The following NOL4 variants were observed in gnomAD, a reference collection of about 807,000 sequenced individuals.
NOL4 encodes the protein nucleolar protein 4.
A neutral mutation model predicts 75.9 loss-of-function variants in NOL4; 17 were observed. The ratio of observed to expected loss-of-function variants is 0.22; its 90% CI spans 0.15 to 0.34. The LOEUF (loss-of-function observed/expected upper bound fraction) is 0.34. NOL4 is among the 10% of genes least tolerant of loss of function. The pLI is 1.00. For synonymous variants in NOL4, 292 were observed against 289.9 expected, an observed-to-expected ratio of 1.01 and a Z score of -0.07; for missense variants, 614 against 793.5, an observed-to-expected ratio of 0.77 and a Z score of 2.72.
intron 5 of NOL4, among the ~76,000 whole-genome samples, chr18:34,027,077 C>T (rs1214531263): frequency 6.6e-6 from 1 of 152,202 alleles, no homozygotes; most frequent in Non-Finnish European, 1.5e-5. Flanking sequence ...TCGCATTCTA[C>T]ATTCTTTTCT....
rs1370698424 is a variant in NOL4, at chr18:34,019,504, G to A, written c.870C>T (p.Asn290=). The A allele has an allele frequency of 6.2e-7, 1 of 1,614,026 alleles. No individual in the cohort carries two copies. Among genetic ancestry groups the A allele is most frequent in the African/African-American group, 1.3e-5 (1 of 75,016 alleles). Residue 290 remains asparagine, a synonymous_variant, in exon 6 of 11, where the codon AAC becomes AAT. Coordinates refer to ENST00000261592, the MANE Select transcript of NOL4 (RefSeq NM_003787.5). ...GTHSREMGDS[N]SDGKTGLEQD... The stretch of plus-strand genomic sequence containing the variant: ...GCTCCAGCCCAGTTTTGCCATCACT[G>A]TTGGAGTCTCCCATCTCCCTGCTGT...
chr18:34,123,915 C>T (rs756247230), intron 2 of NOL4, among the ~76,000 whole-genome samples: 17 of 151,684 alleles, frequency 1.1e-4, no homozygotes, highest in Admixed American at 6.6e-4. Context: ...CTATAAAATA[C>T]AATTCTAGAT....
intron 6 of NOL4, among the ~76,000 whole-genome samples, chr18:34,006,520 A>C (rs1305522982): frequency 6.6e-6 from 1 of 152,072 alleles, no homozygotes; most frequent in African/African-American, 2.4e-5. Flanking sequence ...ATCTGGTGAC[A>C]GACTGATTCA....
chr18:34,223,043 G>C lies in NOL4; in HGVS notation c.211C>G (p.Arg71Gly). ...GFQLGQPDEV[R>G]GGGGGAKQVL... ...TGCTTGGCGCCGCCGCCTCCCCCGC[G>C]GACCTCGTCCGGCTGGCCCAGCTGG... The change falls in exon 1 of 11, where the codon CGC (arginine) becomes GGC (glycine). Residue 71 changes from arginine (R) to glycine (G), a missense_variant. Around this residue, in one of 9 missense-constraint regions of NOL4, gnomAD observed 49 missense variants for 39.6 expected, o/e 1.24. Coordinates refer to ENST00000261592, the MANE Select transcript of NOL4 (RefSeq NM_003787.5). 6.2e-7 allele frequency: 1 copy of C among 1,613,618 alleles called. No individual in the cohort carries two copies. Among genetic ancestry groups the C allele is most frequent in the Non-Finnish European group, 8.5e-7 (1 of 1,180,036 alleles).
At chr18:34,173,473 A>C (rs2033242094) in intron 1 of NOL4, among the ~76,000 whole-genome samples, 1 of 152,154 alleles carries the variant, frequency 6.6e-6, no homozygotes, top group African/African-American at 2.4e-5. Context: ...GCCATTACAC[A>C]ATGTATATGT....
At position 34,105,098 on chromosome 18, in the gene NOL4, T is replaced by C. The variant is rs139292754; in HGVS notation, c.477A>G (p.Ser159=). 334 of 1,612,312 alleles carry C rather than the reference T, an allele frequency of 2.1e-4. No homozygotes were observed. The highest frequency in any genetic ancestry group is 4.9e-4 in the Middle Eastern group (3 of 6,076). ...TTAAATGCATTCTTTTCTGGCACTC[T>C]GAGCAGCTCATTAGAAATCGTGTCA... ...EAVTRFLMSC[S]ECQKRMHLNP... Residue 159 remains serine, a synonymous_variant, in exon 3 of 11, where the codon TCA becomes TCG. Transcript: ENST00000261592.
intron 2 of NOL4, among the ~76,000 whole-genome samples, chr18:34,115,826 C>T (rs1227269043): frequency 1.3e-5 from 2 of 152,116 alleles, no homozygotes; most frequent in Admixed American, 6.6e-5. Context: ...ATTTCCTTGG[C>T]AGTGAGACAA....
At chr18:33,941,136 T>A (rs1444445527) in intron 9 of NOL4, among the ~76,000 whole-genome samples, 4 of 152,034 alleles carry the variant, frequency 2.6e-5, no homozygotes, top group African/African-American at 9.7e-5. Flanking sequence ...AATGCTTTTA[T>A]ATGAATTGAC....
chr18:34,074,465 A>G (rs983212424), intron 5 of NOL4, among the ~76,000 whole-genome samples: 2 of 151,932 alleles, frequency 1.3e-5, no homozygotes, highest in Non-Finnish European at 2.9e-5. Flanking sequence ...GCAAGTTTTT[A>G]TATTGTTTTA....
chr18:34,020,903 T>A (rs910799170), intron 5 of NOL4, among the ~76,000 whole-genome samples: 2 of 152,202 alleles, frequency 1.3e-5, no homozygotes, highest in Non-Finnish European at 2.9e-5. Context: ...AAGCTAGTAG[T>A]GAAATCATAT....
At chr18:33,898,074 A>C (rs2065522065) in intron 9 of NOL4, among the ~76,000 whole-genome samples, 1 of 151,910 alleles carries the variant, frequency 6.6e-6, no homozygotes, top group South Asian at 2.1e-4. Flanking sequence ...TACCCAGACA[A>C]TATATATTTT....
chr18:33,972,698 A>T (rs1230418724), intron 6 of NOL4, among the ~76,000 whole-genome samples: 2 of 152,238 alleles, frequency 1.3e-5, no homozygotes, highest in African/African-American at 4.8e-5. Flanking sequence ...TGACTTACAC[A>T]AATATTTTTG....
At chr18:33,874,975 A>C (rs1025154254) in intron 10 of NOL4, among the ~76,000 whole-genome samples, 3 of 151,998 alleles carry the variant, frequency 2.0e-5, no homozygotes, top group African/African-American at 7.2e-5. Flanking sequence ...AAAACTAGAA[A>C]TTGCCATACA....
intron 6 of NOL4, among the ~76,000 whole-genome samples, chr18:33,981,226 A>G (rs1388380326): frequency 6.6e-6 from 1 of 151,928 alleles, no homozygotes; most frequent in African/African-American, 2.4e-5. Context: ...CACAAAAGGT[A>G]TGAAATATAC....
intron 1 of NOL4, among the ~76,000 whole-genome samples, chr18:34,155,097 C>T (rs1411164891): frequency 4.0e-5 from 6 of 151,542 alleles, no homozygotes; most frequent in Admixed American, 3.3e-4. Context: ...GAAAGGATGA[C>T]AAGAGTAGCT....
chr18:33,961,454 T>C (rs1184413465), intron 6 of NOL4, among the ~76,000 whole-genome samples: 1 of 152,124 alleles, frequency 6.6e-6, no homozygotes, highest in Non-Finnish European at 1.5e-5. Context: ...CTGAGTCCCC[T>C]GGTTCTTAGG....
intron 6 of NOL4, among the ~76,000 whole-genome samples, chr18:33,970,775 C>T (rs1009226070): frequency 1.3e-5 from 2 of 151,368 alleles, no homozygotes; most frequent in Non-Finnish European, 2.9e-5. Context: ...GTGTCAGTGG[C>T]AACTTTGTAT....
intron 5 of NOL4, among the ~76,000 whole-genome samples, chr18:34,049,188 A>ACAAAAG (rs2076525704): frequency 6.6e-6 from 1 of 151,768 alleles, no homozygotes; most frequent in East Asian, 1.9e-4. Context: ...GGGTATGCTA[A>ACAAAAG]CAAAAGCAAA....
rs941165869 is a variant in NOL4 at position 34,203,943 on chromosome 18, AT to A, written c.264+19046del. On this transcript the variant is annotated intron_variant, in intron 1 of 10. Transcript: ENST00000261592. ...TGACTTTATTTTGAATGAGAAAAAA[AT>A]ATACCCCTTTATTTCTATTTAAAAA... 1.3e-4 allele frequency among the ~76,000 whole-genome samples: 20 copies of A among 152,160 alleles called. 1 individual carries two copies. The highest frequency in any genetic ancestry group is 3.3e-4 in the Admixed American group (5 of 15,242).
Sources: gnomAD v4.1 joint callset for allele counts (sites outside exome capture counted in the v4.1 genomes callset) on GRCh38, gnomAD v4.1.1 for gene constraint, gnomAD v4.1.1 regional missense constraint, MANE v1.5 for transcripts, NCBI Gene and HGNC (gene_info 2026-07-23, HGNC 2026-07-21) for gene names.